CACNA1A: variants seen among roughly 807,000 people sequenced by gnomAD.
The protein encoded by CACNA1A is calcium voltage-gated channel subunit alpha1 A, also known as voltage-dependent P/Q-type calcium channel subunit alpha-1A.
In CACNA1A, 57 loss-of-function variants were observed where a neutral mutation model predicts 262.4. That is an observed-to-expected ratio of 0.22 (90% CI 0.18 to 0.27). CACNA1A has a LOEUF of 0.27. CACNA1A is among the 10% of genes least tolerant of loss of function. The pLI is 1.00. For missense variants in CACNA1A, 2,526 were observed against 3,562.8 expected, an observed-to-expected ratio of 0.71 and a Z score of 7.41; for synonymous variants, 1,431 against 1,419.3, an observed-to-expected ratio of 1.01 and a Z score of -0.18.
intron 19 of CACNA1A, among the ~76,000 whole-genome samples, chr19:13,297,676 G>A (rs964489368): frequency 6.6e-6 from 1 of 152,152 alleles, no homozygotes; most frequent in Non-Finnish European, 1.5e-5. Context: ...AAATTAGCCA[G>A]GCATGTGGCA....
chr19:13,252,950 T>C, intron 30 of CACNA1A, 41 bp downstream of exon 30: 4 of 1,376,972 alleles, frequency 2.9e-6, no homozygotes, highest in Non-Finnish European at 3.1e-6. Flanking sequence ...CCCCTTGGGC[T>C]TCTCCCAAGC....
Position 13,286,496 on chromosome 19 carries a change from G to T in CACNA1A, c.3553+7C>A, listed in dbSNP as rs878865349. ...CTGCCCAGTGATGTGAGAGCAGAGG[G>T]TCTCACCTTGTACGACGGTGTGGTT... On this transcript the variant is annotated splice_region_variant and intron_variant, in intron 20 of 46. Transcript: ENST00000360228. The T allele has an allele frequency of 1.5e-6, 2 of 1,338,932 alleles. No homozygotes were observed. The highest frequency in any genetic ancestry group is 2.4e-5 in the East Asian group (1 of 42,410). 82.9% of individuals were successfully genotyped at this position (1,338,932 alleles called of 1,614,324 possible).
chr19:13,372,536 G>A (rs974568347), intron 3 of CACNA1A, among the ~76,000 whole-genome samples: 1 of 152,146 alleles, frequency 6.6e-6, no homozygotes, highest in African/African-American at 2.4e-5. Flanking sequence ...GCCTGCATGG[G>A]TTCAGATCCC....
chr19:13,211,949 G>A (rs1568422891), intron 43 of CACNA1A, 154 bp downstream of exon 43: 1 of 600,942 alleles, frequency 1.7e-6, no homozygotes, highest in Non-Finnish European at 3.0e-6. Context: ...CAGGTGGTGG[G>A]TGGGGCCTGC....
chr19:13,354,775 T>C (rs1257572592), intron 6 of CACNA1A, among the ~76,000 whole-genome samples: 2 of 152,122 alleles, frequency 1.3e-5, no homozygotes, highest in Non-Finnish European at 2.9e-5. Flanking sequence ...TAGGTTGGAC[T>C]GGAGTAGGGT....
At chr19:13,237,928 A>G (rs1312905147) in intron 31 of CACNA1A, among the ~76,000 whole-genome samples, 3 of 152,160 alleles carry the variant, frequency 2.0e-5, no homozygotes, top group East Asian at 3.9e-4. Flanking sequence ...AGGCAGGCGG[A>G]CCCTGGAAGC....
intron 38 of CACNA1A, among the ~76,000 whole-genome samples, chr19:13,219,887 T>C (rs1182709385): frequency 6.7e-6 from 1 of 149,222 alleles, no homozygotes; most frequent in Non-Finnish European, 1.5e-5. Flanking sequence ...GAGATGGAGG[T>C]TGCAGTGAGC....
At chr19:13,475,320 G>A (rs2145054947) in intron 1 of CACNA1A, among the ~76,000 whole-genome samples, 1 of 152,268 alleles carries the variant, frequency 6.6e-6, no homozygotes, top group African/African-American at 2.4e-5. Flanking sequence ...CTATGAAGTG[G>A]GATGGGGACT....
At chr19:13,240,749 C>CAGTGTCTGTG (rs1568452999) in intron 31 of CACNA1A, among the ~76,000 whole-genome samples, 17 of 150,002 alleles carry the variant, frequency 1.1e-4, no homozygotes, top group Admixed American at 1.1e-3. Context: ...CGTGCAGCGT[C>CAGTGTCTGTG]TGTGTGCAGT....
intron 31 of CACNA1A, among the ~76,000 whole-genome samples, chr19:13,240,855 G>A (rs562159903): frequency 6.4e-4 from 97 of 152,344 alleles, no homozygotes; most frequent in African/African-American, 2.2e-3. Flanking sequence ...GCGTGTGCAC[G>A]TACAGTTCAA....
chr19:13,255,725 C>CCCTCCCTCCT (rs1568466356), intron 28 of CACNA1A, among the ~76,000 whole-genome samples: 3 of 36,962 alleles, frequency 8.1e-5, no homozygotes, highest in African/African-American at 2.4e-4. Flanking sequence ...CCCTCCTTCT[C>CCCTCCCTCCT]TCCCTCCCTC....
chr19:13,399,421 A>G (rs990142251), intron 3 of CACNA1A, among the ~76,000 whole-genome samples: 1 of 141,556 alleles, frequency 7.1e-6, no homozygotes, highest in Non-Finnish European at 1.5e-5. Context: ...GAAGAAGAAG[A>G]AGGAGAGAAA....
At chr19:13,376,528 T>C (rs552893857) in intron 3 of CACNA1A, among the ~76,000 whole-genome samples, 14 of 150,694 alleles carry the variant, frequency 9.3e-5, no homozygotes, top group Admixed American at 4.7e-4. Flanking sequence ...TGTTGAGATC[T>C]ACTCAGAAAA....
At chr19:13,320,928 C>T (rs1045306294) in intron 10 of CACNA1A, among the ~76,000 whole-genome samples, 2 of 151,738 alleles carry the variant, frequency 1.3e-5, no homozygotes, top group African/African-American at 4.8e-5. Flanking sequence ...TATTCCCAGC[C>T]GGACGTGTTA....
At chr19:13,402,245 T>G (rs1043932484) in intron 3 of CACNA1A, among the ~76,000 whole-genome samples, 1 of 152,226 alleles carries the variant, frequency 6.6e-6, no homozygotes, top group Non-Finnish European at 1.5e-5. Flanking sequence ...GGAAAGGGAA[T>G]AGGTTCCCTA....
At chr19:13,346,107 T>G (rs2058759929) in intron 6 of CACNA1A, among the ~76,000 whole-genome samples, 1 of 152,208 alleles carries the variant, frequency 6.6e-6, no homozygotes, top group South Asian at 2.1e-4. Flanking sequence ...TTTCGCCATG[T>G]TGGCCAGGCT....
intron 3 of CACNA1A, among the ~76,000 whole-genome samples, chr19:13,425,340 A>T (rs1237777936): frequency 6.6e-6 from 1 of 152,172 alleles, no homozygotes; most frequent in Non-Finnish European, 1.5e-5. Context: ...TAACCCATGG[A>T]ACTGCTGCTT....
intron 1 of CACNA1A, among the ~76,000 whole-genome samples, chr19:13,484,201 C>T (rs1360859083): frequency 1.3e-5 from 2 of 152,112 alleles, no homozygotes; most frequent in African/African-American, 2.4e-5. Context: ...TCCATAGTGT[C>T]GGTTTGGGTA....
chr19:13,404,749 T>C (rs566474838), intron 3 of CACNA1A, among the ~76,000 whole-genome samples: 9 of 151,886 alleles, frequency 5.9e-5, no homozygotes, highest in Non-Finnish European at 1.0e-4. Context: ...AGCTAACTAA[T>C]CCCCAGGGGT....
Sources: gnomAD v4.1 joint callset for allele counts (sites outside exome capture counted in the v4.1 genomes callset) on GRCh38, gnomAD v4.1.1 for gene constraint, MANE v1.5 for transcripts, NCBI Gene and HGNC (gene_info 2026-07-23, HGNC 2026-07-21) for gene names.